Variants in CSMD1 observed in about 807,000 individuals in gnomAD.
The protein encoded by CSMD1 is CUB and sushi domain-containing protein 1.
Under a neutral mutation model 417.5 loss-of-function variants are expected in CSMD1, and 213 were observed. That is an observed-to-expected ratio of 0.51 (90% confidence interval 0.46 to 0.57). The LOEUF (loss-of-function observed/expected upper bound fraction) is 0.57. CSMD1 is among the 20% of genes least tolerant of loss of function. CSMD1 has a pLI of 0.00. For synonymous variants in CSMD1, 2,862 were observed against 1,736.8 expected (o/e 1.65, Z -16.11); for missense variants, 6,923 against 4,529.7 (o/e 1.53, Z -15.17).
chr8:4,353,799 G>C (rs991122695), intron 3 of CSMD1, among the ~76,000 whole-genome samples: 2 of 152,054 alleles, frequency 1.3e-5, no homozygotes, highest in African/African-American at 4.8e-5. Context: ...GCTTATAAAT[G>C]GCTCGATCAT....
At chr8:3,000,420 G>C (rs1156917831) in intron 52 of CSMD1, among the ~76,000 whole-genome samples, 3 of 151,260 alleles carry the variant, frequency 2.0e-5, no homozygotes, top group Admixed American at 1.3e-4. Flanking sequence ...CCTGTATTCA[G>C]TTATTTACCT....
At chr8:3,892,377 G>C (rs952685009) in intron 5 of CSMD1, among the ~76,000 whole-genome samples, 3 of 152,072 alleles carry the variant, frequency 2.0e-5, no homozygotes, top group Non-Finnish European at 4.4e-5. Context: ...TGCTTTCTAT[G>C]TGTTATCCTT....
At chr8:4,310,770 T>C (rs1011774239) in intron 3 of CSMD1, among the ~76,000 whole-genome samples, 8 of 152,184 alleles carry the variant, frequency 5.3e-5, no homozygotes, top group African/African-American at 2.4e-5. Flanking sequence ...ACTGTGTCCA[T>C]ATACAGCCTT....
Position 4,417,334 on chromosome 8 carries a change from C to G in CSMD1, c.415+2619G>C, listed in dbSNP as rs983927838. 2.0e-5 allele frequency among the ~76,000 whole-genome samples: 3 copies of G among 151,884 alleles called. No homozygotes were observed. In the South Asian group the frequency reaches 6.2e-4, roughly 31 times the overall value. On this transcript the variant is annotated intron_variant, in intron 3 of 69. Transcript: ENST00000635120. ...GAATAATAGTTTATGTAAATAAAGC[C>G]TATTCCAAAGTACTGCCAGACAACA...
At chr8:4,137,155 T>G (rs549891562) in intron 3 of CSMD1, among the ~76,000 whole-genome samples, 20 of 152,192 alleles carry the variant, frequency 1.3e-4, no homozygotes, top group African/African-American at 4.8e-4. Context: ...ATGCTGTAAA[T>G]AGGTTATCCA....
At chr8:3,900,214 C>A (rs767870443) in intron 5 of CSMD1, among the ~76,000 whole-genome samples, 37 of 151,692 alleles carry the variant, frequency 2.4e-4, no homozygotes, top group Non-Finnish European at 1.8e-4. Context: ...GACAGTGGAG[C>A]TGGGTGACAG....
chr8:3,385,491 A>G (rs193217377), intron 18 of CSMD1, among the ~76,000 whole-genome samples: 1 of 151,876 alleles, frequency 6.6e-6, no homozygotes, highest in Non-Finnish European at 1.5e-5. Flanking sequence ...AATATTTCTA[A>G]TTCATATCAT....
chr8:4,652,830 T>G (rs1009018915), intron 1 of CSMD1, among the ~76,000 whole-genome samples: 1 of 152,214 alleles, frequency 6.6e-6, no homozygotes, highest in South Asian at 2.1e-4. Context: ...TCATAAAGAC[T>G]GCACAAACTA....
At chr8:3,149,412 G>T (rs1031993485) in intron 40 of CSMD1, among the ~76,000 whole-genome samples, 31 of 152,038 alleles carry the variant, frequency 2.0e-4, no homozygotes, top group Middle Eastern at 3.4e-3. Flanking sequence ...TCACTTTTTT[G>T]TTGTTGTTGT....
intron 10 of CSMD1, among the ~76,000 whole-genome samples, chr8:3,524,705 C>T (rs909901903): frequency 2.6e-5 from 4 of 151,128 alleles, no homozygotes; most frequent in African/African-American, 4.9e-5. Flanking sequence ...GACGTGCACA[C>T]ACAAGCACAT....
intron 38 of CSMD1, 67 bp downstream of exon 38, chr8:3,162,092 G>T: frequency 1.0e-6 from 1 of 1,002,764 alleles, no homozygotes; most frequent in Non-Finnish European, 1.5e-6. Flanking sequence ...TGAGGGCTTT[G>T]GCTTTAAGAG....
At chr8:4,110,349 T>A (rs758704792) in intron 3 of CSMD1, among the ~76,000 whole-genome samples, 58 of 152,158 alleles carry the variant, frequency 3.8e-4, no homozygotes, top group Non-Finnish European at 4.4e-5. Flanking sequence ...AACTTCAGCC[T>A]ATGGATATGT....
chr8:4,186,253 A>G (rs1289027456), intron 3 of CSMD1, among the ~76,000 whole-genome samples: 1 of 152,146 alleles, frequency 6.6e-6, no homozygotes, highest in Non-Finnish European at 1.5e-5. Flanking sequence ...TCACTGCAGC[A>G]GAGGGGAAAG....
chr8:4,073,172 G>A (rs561266131), intron 3 of CSMD1, among the ~76,000 whole-genome samples: 2 of 152,038 alleles, frequency 1.3e-5, no homozygotes, highest in African/African-American at 2.4e-5. Context: ...AGAAAAAATC[G>A]AGATGAAGCA....
Position 4,102,725 on chromosome 8 carries a change from G to C in CSMD1, c.416-70626C>G, listed in dbSNP as rs73658574. Among the ~76,000 whole-genome samples the C allele has an allele frequency of 1.7e-3, 260 of 152,254 alleles. 1 individual carries two copies. Among genetic ancestry groups the C allele is most frequent in the African/African-American group, 5.9e-3 (244 of 41,532 alleles). On this transcript the variant is annotated intron_variant, in intron 3 of 69. Transcript: ENST00000635120. Reference sequence around the variant, plus strand: ...CCTAAAATGTATCCAAAAGATTTTAGACAAGATATTGGAAGCAGATATTTT... The same window carrying C: ...CCTAAAATGTATCCAAAAGATTTTACACAAGATATTGGAAGCAGATATTTT...
At chr8:4,343,269 G>A (rs900457964) in intron 3 of CSMD1, among the ~76,000 whole-genome samples, 1 of 152,122 alleles carries the variant, frequency 6.6e-6, no homozygotes, top group African/African-American at 2.4e-5. Flanking sequence ...GCCAGTGGTT[G>A]TGGGGAAGTG....
intron 3 of CSMD1, among the ~76,000 whole-genome samples, chr8:4,207,873 G>C (rs1188228096): frequency 2.6e-5 from 4 of 152,048 alleles, no homozygotes; most frequent in Admixed American, 6.6e-5. Context: ...CATATAGGTG[G>C]AGAAATTAGT....
At chr8:4,000,129 C>T (rs1339944555) in intron 4 of CSMD1, among the ~76,000 whole-genome samples, 1 of 152,156 alleles carries the variant, frequency 6.6e-6, no homozygotes, top group African/African-American at 2.4e-5. Flanking sequence ...CACCACTGTG[C>T]AAGCACACAC....
rs77846390 is a variant in CSMD1 at position 3,585,946 on chromosome 8, G to T, written c.1222+190C>A. On this transcript the variant is annotated intron_variant, in intron 9 of 69. Transcript: ENST00000635120. ...AAATGTAAAACACAAAAATATTCTT[G>T]GAAATGTTAGCCTCTCAGCAAATTC... is the stretch of plus-strand genomic sequence containing the variant. 1.4e-3 allele frequency among the ~76,000 whole-genome samples: 210 copies of T among 152,162 alleles called. 6 individuals carry two copies. The East Asian group carries it at 0.037, about 27-fold the overall frequency.
Sources: allele counts gnomAD v4.1 joint callset (sites outside exome capture counted in the v4.1 genomes callset), GRCh38; gene constraint gnomAD v4.1.1; transcripts MANE v1.5; gene names NCBI Gene and HGNC (gene_info 2026-07-23, HGNC 2026-07-21).